The following ERC1 variants were observed in gnomAD, a reference collection of about 807,000 sequenced individuals.
The protein encoded by ERC1 is ELKS/RAB6-interacting/CAST family member 1, also known as RAB6 interacting protein 2.
Under a neutral mutation model 132.0 loss-of-function variants are expected in ERC1, and 56 were observed. The observed-to-expected ratio is 0.42, with a 90% CI of 0.34 to 0.53. ERC1 has a LOEUF of 0.53. ERC1 is among the 20% of genes least tolerant of loss of function. The pLI, the probability that ERC1 is intolerant of heterozygous loss-of-function variation, is 0.03. For synonymous variants in ERC1, 478 were observed against 476.1 expected (o/e 1.00, Z -0.05); for missense variants, 1,202 against 1,349.9 (o/e 0.89, Z 1.72).
At chr12:1,169,931 G>A (rs1952869940) in intron 8 of ERC1, among the ~76,000 whole-genome samples, 1 of 152,076 alleles carries the variant, frequency 6.6e-6, no homozygotes, top group African/African-American at 2.4e-5. Context: ...ACCCCTAGAG[G>A]TTTTCTATGT....
At chr12:1,418,988 A>G (rs1366060445) in intron 17 of ERC1, among the ~76,000 whole-genome samples, 1 of 152,062 alleles carries the variant, frequency 6.6e-6, no homozygotes, top group Non-Finnish European at 1.5e-5. Flanking sequence ...TTCTGTGATT[A>G]CAGGCCTGAG....
In ERC1 at chr12:1,417,631, A is replaced by T. The variant is rs2092181662; in HGVS notation, c.3024+9384A>T. On this transcript the variant is annotated intron_variant, in intron 17 of 18. Coordinates refer to ENST00000360905, the MANE Select transcript of ERC1 (RefSeq NM_178040.4). ...TCCTGTCTCTACTAAAAATATAAAA[A>T]TTAGCTGGGTGTGGTGGCGCGTGCC... 2.0e-5 allele frequency among the ~76,000 whole-genome samples: 3 copies of T among 152,098 alleles called. No individual in the cohort carries two copies. In the South Asian group the frequency reaches 6.2e-4, roughly 32 times the overall value.
At chr12:1,003,338 G>A (rs1962843528) in intron 1 of ERC1, among the ~76,000 whole-genome samples, 2 of 152,092 alleles carry the variant, frequency 1.3e-5, no homozygotes, top group Non-Finnish European at 2.9e-5. Context: ...CCTAGTATCT[G>A]ATGGTATTAT....
chr12:1,459,980 A>G (rs1396531340), intron 18 of ERC1, among the ~76,000 whole-genome samples: 3 of 152,262 alleles, frequency 2.0e-5, no homozygotes, highest in African/African-American at 7.2e-5. Flanking sequence ...ATGTATATTT[A>G]TCAAGATAGA....
At chr12:1,357,254 A>C (rs2085633172) in intron 15 of ERC1, among the ~76,000 whole-genome samples, 2 of 152,222 alleles carry the variant, frequency 1.3e-5, no homozygotes, top group Non-Finnish European at 1.5e-5. Flanking sequence ...GAGTGCCCTG[A>C]CACTGCTGGC....
intron 3 of ERC1, among the ~76,000 whole-genome samples, chr12:1,084,873 A>G (rs1433301884): frequency 2.6e-5 from 4 of 151,930 alleles, no homozygotes. Context: ...TAAATTAAAA[A>G]AAAAATTTTG....
At position 1,083,576 on chromosome 12, in the gene ERC1, G is replaced by C; in HGVS notation, c.1082G>C (p.Arg361Thr). The part of the protein sequence containing the change: ...EQKEKENSML[R>T]EEMHRRFENA... ...AAGGAAAAAGAGAACAGTATGTTGA[G>C]AGAGGTATGTGACTACTTTTTTAGT... Residue 361 changes from arginine to threonine, a missense_variant, in exon 3 of 19, where the codon AGA becomes ACA. By Grantham distance (71) the Arg-to-Thr change is moderately conservative. Coordinates refer to ENST00000360905, the MANE Select transcript of ERC1 (RefSeq NM_178040.4). 1 of 1,586,252 alleles carries C rather than the reference G, an allele frequency of 6.3e-7. No homozygotes were observed. The highest frequency in any genetic ancestry group is 8.5e-7 in the Non-Finnish European group (1 of 1,171,490).
rs1380213463 is a variant in ERC1 at position 1,083,233 on chromosome 12, C to A, written c.739C>A (p.Gln247Lys). ...RIQRDLNQLF[Q>K]QDSSSRTGEP... Reference sequence around the variant, plus strand: ...CCAGAGGGACCTGAATCAGCTGTTTCAGCAGGATAGTAGCAGCAGGACTGG... The same window carrying A: ...CCAGAGGGACCTGAATCAGCTGTTTAAGCAGGATAGTAGCAGCAGGACTGG... The change falls in exon 3 of 19, where the codon CAG becomes AAG. Residue 247 changes from glutamine (Q) to lysine (K), a missense_variant. Transcript: ENST00000360905. 1.9e-6 allele frequency: 3 copies of A among 1,614,032 alleles called. No individual in the cohort carries two copies. The South Asian group carries it at 3.3e-5, about 18-fold the overall frequency.
intron 18 of ERC1, among the ~76,000 whole-genome samples, chr12:1,488,086 T>C: frequency 7.0e-6 from 1 of 143,218 alleles, no homozygotes; most frequent in East Asian, 2.1e-4. Context: ...TGCAGTGAGC[T>C]GAGATCGCGC....
At chr12:1,369,657 T>C (rs1171471756) in intron 15 of ERC1, among the ~76,000 whole-genome samples, 2 of 152,324 alleles carry the variant, frequency 1.3e-5, no homozygotes, top group Admixed American at 6.5e-5. Context: ...TTGAACTCTT[T>C]CACCTTTAAG....
intron 3 of ERC1, among the ~76,000 whole-genome samples, chr12:1,095,383 T>G (rs1943888225): frequency 7.7e-6 from 1 of 130,510 alleles, no homozygotes; most frequent in African/African-American, 2.8e-5. Context: ...TGAGCCGAGA[T>G]TGTGCCACTG....
intron 17 of ERC1, among the ~76,000 whole-genome samples, chr12:1,414,012 C>T (rs1032248291): frequency 1.3e-5 from 2 of 152,162 alleles, no homozygotes; most frequent in African/African-American, 4.8e-5. Context: ...TCATCAGGAG[C>T]GTGCAACCTA....
intron 2 of ERC1, among the ~76,000 whole-genome samples, chr12:1,030,907 G>A (rs116960977): frequency 6.6e-6 from 1 of 152,276 alleles, no homozygotes; most frequent in East Asian, 1.9e-4. Context: ...TAGGTGTGTG[G>A]TAGGCCGTAC....
intron 15 of ERC1, among the ~76,000 whole-genome samples, chr12:1,315,341 T>TTTTTG (rs143817041): frequency 0.023 from 3,410 of 150,962 alleles, 131 homozygotes; most frequent in African/African-American, 0.08. Flanking sequence ...TTCTACAGTT[T>TTTTTG]TTTTGTTTTG....
chr12:1,477,063 A>G (rs1477015787), intron 18 of ERC1, among the ~76,000 whole-genome samples: 1 of 152,204 alleles, frequency 6.6e-6, no homozygotes, highest in Non-Finnish European at 1.5e-5. Context: ...GGCACTGGAA[A>G]GATGTGAGTC....
chr12:1,091,212 C>A (rs1296538452), intron 3 of ERC1, among the ~76,000 whole-genome samples: 1 of 152,072 alleles, frequency 6.6e-6, no homozygotes, highest in African/African-American at 2.4e-5. Flanking sequence ...TTATAGATTC[C>A]TTCATTATTT....
At chr12:1,398,288 T>C (rs1449398296) in intron 16 of ERC1, among the ~76,000 whole-genome samples, 1 of 152,102 alleles carries the variant, frequency 6.6e-6, no homozygotes, top group Non-Finnish European at 1.5e-5. Context: ...CCAGCCCAAA[T>C]AGATTTTAGA....
At chr12:1,226,529 C>T (rs890625070) in intron 12 of ERC1, among the ~76,000 whole-genome samples, 6 of 152,164 alleles carry the variant, frequency 3.9e-5, no homozygotes, top group African/African-American at 1.4e-4. Flanking sequence ...AGAACTTACT[C>T]ATCTTCTGTA....
intron 11 of ERC1, among the ~76,000 whole-genome samples, chr12:1,187,586 ATAT>A (rs1955244780): frequency 1.3e-5 from 2 of 152,118 alleles, no homozygotes; most frequent in Admixed American, 1.3e-4. Flanking sequence ...ATTCTTAATA[ATAT>A]TCCAGCTACA....
Sources: allele counts gnomAD v4.1 joint callset (sites outside exome capture counted in the v4.1 genomes callset), GRCh38; gene constraint gnomAD v4.1.1; transcripts MANE v1.5; gene names NCBI Gene and HGNC (gene_info 2026-07-23, HGNC 2026-07-21).